Variants in PPFIA2 observed in about 807,000 individuals in gnomAD.
PPFIA2 encodes liprin-alpha-2.
PPFIA2 carries 46 observed loss-of-function variants against 175.5 expected under a neutral mutation model. The ratio of observed to expected loss-of-function variants is 0.26; its 90% CI spans 0.21 to 0.34. The LOEUF is 0.34. Ranked by LOEUF, PPFIA2 falls within the 10% of genes least tolerant of loss-of-function variation. The pLI, the probability that PPFIA2 is intolerant of heterozygous loss-of-function variation, is 1.00. For missense variants in PPFIA2, 1,179 were observed against 1,506.1 expected (o/e 0.78, Z 3.60); for synonymous variants, 568 against 511.4 (o/e 1.11, Z -1.49).
intron 7 of PPFIA2, among the ~76,000 whole-genome samples, chr12:81,415,654 C>T (rs1406299161): frequency 2.0e-5 from 3 of 148,008 alleles, no homozygotes; most frequent in Admixed American, 1.4e-4. Context: ...AACTGGAATG[C>T]AAAACTGTTA....
chr12:81,643,005 T>C lies in PPFIA2; in HGVS notation c.303+33786A>G, dbSNP rs149749915. Among the ~76,000 whole-genome samples, 1,119 of 147,274 alleles carry C rather than the reference T, an allele frequency of 7.6e-3. 11 individuals are homozygous for C. Among genetic ancestry groups the C allele is most frequent in the African/African-American group, 0.022 (913 of 40,654 alleles). On this transcript the variant is annotated intron_variant, in intron 4 of 32. Transcript: ENST00000549396. ...ATCTCTTATGTGTATATAATATATA[T>C]TTTATATAGTGTATATATCTATGAC...
intron 2 of PPFIA2, among the ~76,000 whole-genome samples, chr12:81,755,706 A>G (rs2084538247): frequency 6.6e-6 from 1 of 152,138 alleles, no homozygotes; most frequent in Admixed American, 6.5e-5. Flanking sequence ...TAAAAAATTA[A>G]GGGGGTCATT....
intron 7 of PPFIA2, among the ~76,000 whole-genome samples, chr12:81,414,885 C>G (rs1366860936): frequency 6.6e-6 from 1 of 151,162 alleles, no homozygotes; most frequent in Non-Finnish European, 1.5e-5. Context: ...AAGGTTGAAA[C>G]ACTTATTTAA....
intron 3 of PPFIA2, among the ~76,000 whole-genome samples, chr12:81,734,507 T>C (rs1034661882): frequency 1.1e-4 from 16 of 151,686 alleles, no homozygotes; most frequent in Non-Finnish European, 2.1e-4. Context: ...AGATTAGCAT[T>C]TTACAAATGT....
At chr12:81,285,714 C>T (rs949460149) in intron 24 of PPFIA2, among the ~76,000 whole-genome samples, 3 of 152,052 alleles carry the variant, frequency 2.0e-5, no homozygotes, top group Non-Finnish European at 4.4e-5. Context: ...CACTGCCAGT[C>T]GTCTAAAAGT....
intron 4 of PPFIA2, among the ~76,000 whole-genome samples, chr12:81,514,741 C>T (rs1284304556): frequency 2.0e-5 from 3 of 151,902 alleles, no homozygotes; most frequent in African/African-American, 4.8e-5. Context: ...AAGTTGATGT[C>T]TGTTTTAAAA....
At chr12:81,397,606 A>C (rs1487401528) in intron 8 of PPFIA2, among the ~76,000 whole-genome samples, 2 of 152,032 alleles carry the variant, frequency 1.3e-5, no homozygotes, top group African/African-American at 4.8e-5. Context: ...TAGGTTTATA[A>C]GGGATTTTAA....
intron 3 of PPFIA2, among the ~76,000 whole-genome samples, chr12:81,730,536 G>C (rs1301559576): frequency 6.6e-6 from 1 of 151,512 alleles, no homozygotes; most frequent in Non-Finnish European, 1.5e-5. Context: ...CAGCATGGGG[G>C]AAACCACTCC....
chr12:81,561,305 T>A (rs974260863), intron 4 of PPFIA2, among the ~76,000 whole-genome samples: 1 of 152,176 alleles, frequency 6.6e-6, no homozygotes, highest in Non-Finnish European at 1.5e-5. Flanking sequence ...GACATAACAT[T>A]TCAATTAGCA....
At chr12:81,615,696 C>G (rs985720694) in intron 4 of PPFIA2, among the ~76,000 whole-genome samples, 2 of 151,978 alleles carry the variant, frequency 1.3e-5, no homozygotes, top group African/African-American at 4.8e-5. Context: ...AGAAAAAAAG[C>G]CTGATTGAAC....
At chr12:81,742,004 G>T (rs934791645) in intron 3 of PPFIA2, among the ~76,000 whole-genome samples, 1 of 152,148 alleles carries the variant, frequency 6.6e-6, no homozygotes, top group African/African-American at 2.4e-5. Flanking sequence ...TTATTTAGGG[G>T]ACAACTTTTC....
intron 23 of PPFIA2, among the ~76,000 whole-genome samples, chr12:81,296,162 CAAA>C (rs1474389740): frequency 1.3e-5 from 2 of 151,574 alleles, no homozygotes; most frequent in Non-Finnish European, 2.9e-5. Flanking sequence ...AACAAACAAA[CAAA>C]AAAATCAGCC....
At chr12:81,758,694 T>G (rs2085066344) in intron 1 of PPFIA2, 187 bp from the exon 2 acceptor site, 1 of 258,904 alleles carries the variant, frequency 3.9e-6, no homozygotes, top group Non-Finnish European at 8.0e-6. Context: ...AAAGCTCGGT[T>G]CAGACCATTG....
chr12:81,439,146 CTTCTCTCTCTCTCT>C (rs1425181059), intron 7 of PPFIA2, among the ~76,000 whole-genome samples: 2 of 149,628 alleles, frequency 1.3e-5, no homozygotes, highest in Non-Finnish European at 3.0e-5. Flanking sequence ...ACAGGTTAAA[CTTCTCTCTCTCTCT>C]CTCTCCCTCT....
chr12:81,747,490 C>T (rs1171932234), intron 3 of PPFIA2, among the ~76,000 whole-genome samples: 2 of 143,694 alleles, frequency 1.4e-5, no homozygotes, highest in African/African-American at 4.9e-5. Flanking sequence ...TTCATTATTA[C>T]CCAGTAAAAT....
rs567417236 is a variant in PPFIA2 at position 81,660,132 on chromosome 12, T to G, written c.303+16659A>C. Among the ~76,000 whole-genome samples, 7 of 152,192 alleles carry G rather than the reference T, an allele frequency of 4.6e-5. No homozygotes were observed. The East Asian group carries it at 7.7e-4, about 17-fold the overall frequency. ...GCAGAAAAACTGAAAATTCTAAAAA[T>G]CAGAGCTCCTTTCCTCCTCCAAAGG... On this transcript the variant is annotated intron_variant, in intron 4 of 32. Coordinates refer to ENST00000549396, the MANE Select transcript of PPFIA2 (RefSeq NM_003625.5).
intron 3 of PPFIA2, among the ~76,000 whole-genome samples, chr12:81,736,381 T>C (rs2081579144): frequency 1.3e-5 from 2 of 152,060 alleles, no homozygotes; most frequent in South Asian, 4.1e-4. Flanking sequence ...AATTTATTTA[T>C]GTATGTTTAT....
chr12:81,272,684 T>A (rs746468978), intron 28 of PPFIA2, among the ~76,000 whole-genome samples: 1 of 152,202 alleles, frequency 6.6e-6, no homozygotes, highest in African/African-American at 2.4e-5. Context: ...TTATCTGACA[T>A]GTCTGAATTT....
At chr12:81,607,601 C>T (rs964605840) in intron 4 of PPFIA2, among the ~76,000 whole-genome samples, 5 of 152,098 alleles carry the variant, frequency 3.3e-5, no homozygotes, top group Middle Eastern at 3.4e-3. Context: ...TTAGCCTAAA[C>T]ATTATTGATG....
Sources: allele counts gnomAD v4.1 joint callset (sites outside exome capture counted in the v4.1 genomes callset), GRCh38; gene constraint gnomAD v4.1.1; transcripts MANE v1.5; gene names NCBI Gene and HGNC (gene_info 2026-07-23, HGNC 2026-07-21).